Variants in KLF8 observed in about 807,000 individuals in gnomAD.
The protein encoded by KLF8 is Krueppel-like factor 8.
Under a neutral mutation model 18.2 loss-of-function variants are expected in KLF8, and 10 were observed. That is an observed-to-expected ratio of 0.55 (90% CI 0.34 to 0.93). The LOEUF is 0.93. Ranked by LOEUF, KLF8 falls within the 40% of genes least tolerant of loss-of-function variation. KLF8 has a pLI of 0.02. For missense variants in KLF8, 264 were observed against 277.9 expected (o/e 0.95, Z 0.36); for synonymous variants, 109 against 97.3 (o/e 1.12, Z -0.71).
chrX:56,020,540 A>G, the KLF8 span, among the ~76,000 whole-genome samples: 1 of 111,601 alleles, frequency 9.0e-6, no homozygotes, highest in Non-Finnish European at 1.9e-5. Context: ...AAGAGGAAGT[A>G]AAGGTGATTC....
the KLF8 span, among the ~76,000 whole-genome samples, chrX:56,135,851 T>A: frequency 4.6e-3 from 513 of 111,876 alleles, 2 homozygotes; most frequent in Non-Finnish European, 8.1e-3. Flanking sequence ...CAGAATCTCT[T>A]GGATACAGCA....
chrX:55,946,388 G>A, the KLF8 span, among the ~76,000 whole-genome samples: 2 of 111,616 alleles, frequency 1.8e-5, no homozygotes, highest in East Asian at 5.6e-4. Flanking sequence ...AATGGGGAAA[G>A]GATTCCCTAT....
chrX:56,173,143 C>T, the KLF8 span, among the ~76,000 whole-genome samples: 1 of 111,616 alleles, frequency 9.0e-6, no homozygotes, highest in Admixed American at 9.6e-5. Context: ...GTTGCCATTG[C>T]TTTTGGTGTT....
At chrX:56,185,862 A>C in the KLF8 span, among the ~76,000 whole-genome samples, 8 of 111,637 alleles carry the variant, frequency 7.2e-5, no homozygotes, top group Non-Finnish European at 1.1e-4. Context: ...CCTAAAAGAG[A>C]TCCTGAAGGA....
chrX:56,123,590 C>T, the KLF8 span, among the ~76,000 whole-genome samples: 1 of 112,051 alleles, frequency 8.9e-6, no homozygotes, highest in South Asian at 3.7e-4. Flanking sequence ...AAGTTATTAA[C>T]TTTATAAGTA....
the KLF8 span, among the ~76,000 whole-genome samples, chrX:56,192,048 AGATGATAT>A: frequency 8.9e-6 from 1 of 111,897 alleles, no homozygotes; most frequent in Non-Finnish European, 1.9e-5. Flanking sequence ...TCTTGTGTGC[AGATGATAT>A]GATTTTATAT....
At chrX:55,989,314 T>A in the KLF8 span, among the ~76,000 whole-genome samples, 11 of 112,108 alleles carry the variant, frequency 9.8e-5, no homozygotes, top group South Asian at 3.7e-4. Context: ...GTTTTTGCCC[T>A]TTCAGTATGA....
chrX:56,118,509 T>C, the KLF8 span, among the ~76,000 whole-genome samples: 2 of 111,110 alleles, frequency 1.8e-5, no homozygotes, highest in Non-Finnish European at 3.8e-5. Context: ...TTTTCACTTG[T>C]TTACTACAAT....
intron 1 of KLF8, chrX:56,243,126 T>C: frequency 1.9e-6 from 1 of 524,799 alleles, no homozygotes; most frequent in South Asian, 2.2e-5. Flanking sequence ...ACAAGTGTGC[T>C]GTTGTCTCCT....
the KLF8 span, among the ~76,000 whole-genome samples, chrX:56,046,764 A>G: frequency 1.8e-5 from 2 of 111,333 alleles, no homozygotes; most frequent in Non-Finnish European, 3.8e-5. Context: ...AATCTAATAC[A>G]TTTTTTATAG....
intron 2 of KLF8, among the ~76,000 whole-genome samples, chrX:56,254,456 C>T (rs765618365): frequency 7.2e-5 from 8 of 111,885 alleles, no homozygotes; most frequent in African/African-American, 2.6e-4. Context: ...TGTTACAGTA[C>T]CCTTTTAGCT....
chrX:56,287,306 A>G lies in KLF8; in HGVS notation c.*2812A>G, dbSNP rs765907551. On this transcript the variant is annotated 3_prime_UTR_variant, in exon 6 of 6. Transcript: ENST00000468660. ...TTTCCAATTACTTACATATGCTCTA[A>G]CAAGTGTCTCAGGATTCATTAACAG... is the stretch of plus-strand genomic sequence containing the variant. The G allele has an allele frequency of 8.9e-6, 1 of 112,327 alleles. No individual in the cohort carries two copies. The highest frequency in any genetic ancestry group is 2.8e-4 in the East Asian group (1 of 3,597). 9.3% of individuals were successfully genotyped at this position (112,327 alleles called of 1,213,427 possible). A position where few individuals can be genotyped will look rare whatever the true frequency, so the allele number is the denominator to read the frequency against.
chrX:55,988,005 A>T, the KLF8 span, among the ~76,000 whole-genome samples: 1 of 112,224 alleles, frequency 8.9e-6, no homozygotes, highest in Non-Finnish European at 1.9e-5. Flanking sequence ...CCTTCTTTTG[A>T]GAAGTGTCTG....
At chrX:55,919,610 G>A in the KLF8 span, among the ~76,000 whole-genome samples, 1 of 109,244 alleles carries the variant, frequency 9.2e-6, no homozygotes, top group East Asian at 2.9e-4. Flanking sequence ...CAGGTGTCCC[G>A]CACTTCCCTG....
the KLF8 span, among the ~76,000 whole-genome samples, chrX:56,040,297 C>T: frequency 5.4e-5 from 6 of 111,518 alleles, no homozygotes; most frequent in African/African-American, 1.6e-4. Context: ...ATCCTTTTCT[C>T]GTGCCAGTTT....
the KLF8 span, among the ~76,000 whole-genome samples, chrX:55,929,673 G>T: frequency 1.8e-5 from 2 of 111,359 alleles, no homozygotes; most frequent in Admixed American, 1.9e-4. Context: ...AGATCAGATG[G>T]TTGTAGATGT....
chrX:56,165,172 C>T, the KLF8 span, among the ~76,000 whole-genome samples: 115 of 110,713 alleles, frequency 1.0e-3, no homozygotes, highest in African/African-American at 3.6e-3. Flanking sequence ...ACCCAAATGT[C>T]CATATGAATT....
the KLF8 span, among the ~76,000 whole-genome samples, chrX:56,168,989 A>C: frequency 8.9e-6 from 1 of 111,738 alleles, no homozygotes; most frequent in Non-Finnish European, 1.9e-5. Flanking sequence ...TAGTAACAAA[A>C]TAGTATGATA....
At chrX:55,973,991 T>G in the KLF8 span, among the ~76,000 whole-genome samples, 1 of 111,942 alleles carries the variant, frequency 8.9e-6, no homozygotes, top group Admixed American at 9.5e-5. Flanking sequence ...CACCATGGAA[T>G]AGTACACAGG....
Sources: gnomAD v4.1 joint callset for allele counts (sites outside exome capture counted in the v4.1 genomes callset) on GRCh38, gnomAD v4.1.1 for gene constraint, MANE v1.5 for transcripts, NCBI Gene and HGNC (gene_info 2026-07-23, HGNC 2026-07-21) for gene names.